The following EXT1 variants were observed in gnomAD, a reference collection of about 807,000 sequenced individuals.
The protein encoded by EXT1 is exostosin-1.
Under a neutral mutation model 82.5 loss-of-function variants are expected in EXT1, and 20 were observed. The observed-to-expected ratio is 0.24, with a 90% CI of 0.17 to 0.35. The LOEUF is 0.35. EXT1 is among the 10% of genes least tolerant of loss of function. The pLI is 1.00. For synonymous variants in EXT1, 348 were observed against 350.8 expected (o/e 0.99, Z 0.09); for missense variants, 757 against 936.5 (o/e 0.81, Z 2.50).
intron 1 of EXT1, among the ~76,000 whole-genome samples, chr8:117,982,303 G>C (rs1815225666): frequency 6.6e-6 from 1 of 152,114 alleles, no homozygotes; most frequent in Non-Finnish European, 1.5e-5. Flanking sequence ...AGCTACCACA[G>C]GACACTTGCG....
chr8:118,103,076 C>T (rs1017580468), intron 1 of EXT1, among the ~76,000 whole-genome samples: 2 of 152,192 alleles, frequency 1.3e-5, no homozygotes, highest in Non-Finnish European at 2.9e-5. Context: ...TCGCTTGAAT[C>T]CGGGAGGAGG....
intron 1 of EXT1, among the ~76,000 whole-genome samples, chr8:117,942,444 G>C (rs1358682014): frequency 1.3e-5 from 2 of 152,186 alleles, no homozygotes; most frequent in Non-Finnish European, 2.9e-5. Flanking sequence ...GGGTGCGGTG[G>C]CTCATGCCTA....
intron 1 of EXT1, among the ~76,000 whole-genome samples, chr8:118,000,024 T>C (rs1048196589): frequency 4.0e-5 from 6 of 151,534 alleles, no homozygotes; most frequent in African/African-American, 1.2e-4. Flanking sequence ...CACACACACA[T>C]ACACACACAC....
chr8:118,067,472 A>T (rs1381950279), intron 1 of EXT1, among the ~76,000 whole-genome samples: 1 of 152,218 alleles, frequency 6.6e-6, no homozygotes, highest in Non-Finnish European at 1.5e-5. Flanking sequence ...TGCTTGAGAG[A>T]GCCACTATTC....
intron 1 of EXT1, among the ~76,000 whole-genome samples, chr8:117,924,367 T>C (rs1389346642): frequency 1.3e-5 from 2 of 152,216 alleles, no homozygotes; most frequent in Non-Finnish European, 2.9e-5. Flanking sequence ...GGGTTTTATT[T>C]TTGGCTGCTA....
At chr8:117,847,876 G>C (rs1191560528) in intron 1 of EXT1, among the ~76,000 whole-genome samples, 1 of 147,536 alleles carries the variant, frequency 6.8e-6, no homozygotes, top group Non-Finnish European at 1.5e-5. Context: ...GCACTTAAGT[G>C]GTTATAAAAT....
intron 1 of EXT1, among the ~76,000 whole-genome samples, chr8:117,964,332 A>G (rs549959935): frequency 6.6e-6 from 1 of 152,342 alleles, no homozygotes; most frequent in South Asian, 2.1e-4. Context: ...CTGCATGTAC[A>G]GCAAATTCTG....
At chr8:118,030,375 A>G (rs1012417099) in intron 1 of EXT1, among the ~76,000 whole-genome samples, 8 of 152,246 alleles carry the variant, frequency 5.3e-5, no homozygotes, top group South Asian at 2.1e-4. Context: ...AAGTGCGTAC[A>G]CCATATAAAT....
At chr8:118,030,385 T>C (rs1816287689) in intron 1 of EXT1, among the ~76,000 whole-genome samples, 2 of 152,152 alleles carry the variant, frequency 1.3e-5, no homozygotes, top group Non-Finnish European at 2.9e-5. Context: ...ACCATATAAA[T>C]AGTAATTAAA....
At chr8:117,984,607 A>G (rs1331645843) in intron 1 of EXT1, among the ~76,000 whole-genome samples, 1 of 152,198 alleles carries the variant, frequency 6.6e-6, no homozygotes, top group Non-Finnish European at 1.5e-5. Context: ...GGAAGGCAGC[A>G]GGAAACCTGG....
chr8:118,103,325 T>A (rs1228889285), intron 1 of EXT1, among the ~76,000 whole-genome samples: 1 of 152,122 alleles, frequency 6.6e-6, no homozygotes. Flanking sequence ...TTTTTTATCT[T>A]TAGTAAAGAT....
chr8:117,965,739 A>G (rs7830231), intron 1 of EXT1, among the ~76,000 whole-genome samples: 55,881 of 152,064 alleles, frequency 0.37, 10,965 homozygotes, highest in Admixed American at 0.46. Flanking sequence ...CTTTTCTCTA[A>G]TACCCAAAAT....
intron 1 of EXT1, among the ~76,000 whole-genome samples, chr8:118,103,085 G>T (rs1429792455): frequency 6.6e-6 from 1 of 152,176 alleles, no homozygotes. Flanking sequence ...TCCGGGAGGA[G>T]GAGGTTGCGG....
intron 1 of EXT1, among the ~76,000 whole-genome samples, chr8:117,889,553 C>T (rs1245501858): frequency 6.6e-6 from 1 of 152,144 alleles, no homozygotes; most frequent in Non-Finnish European, 1.5e-5. Context: ...CCCAATAAAT[C>T]TTTGATGACT....
intron 1 of EXT1, among the ~76,000 whole-genome samples, chr8:118,062,207 A>G (rs774283031): frequency 6.6e-6 from 1 of 152,220 alleles, no homozygotes; most frequent in Non-Finnish European, 1.5e-5. Flanking sequence ...CACAAACTCC[A>G]TGAAACAATC....
intron 1 of EXT1, among the ~76,000 whole-genome samples, chr8:118,103,724 A>C (rs562468770): frequency 3.9e-5 from 6 of 152,264 alleles, no homozygotes; most frequent in Admixed American, 2.6e-4. Context: ...ACAGAATGCT[A>C]ATCAGCTTCC....
intron 1 of EXT1, among the ~76,000 whole-genome samples, chr8:118,023,047 C>T (rs188918099): frequency 3.1e-3 from 473 of 152,222 alleles, no homozygotes; most frequent in Non-Finnish European, 5.4e-3. Flanking sequence ...AAGTCATAAA[C>T]CATACTAAAT....
In EXT1 at chr8:118,101,156, T is replaced by C. The variant is rs147664217; in HGVS notation, c.962+8929A>G. The stretch of plus-strand genomic sequence containing the variant: ...GTACAGTCTCACATACTCCACCTCA[T>C]TTGACCTTCTTAACGACCCTATGAG... On this transcript the variant is annotated intron_variant, in intron 1 of 10. Coordinates refer to ENST00000378204, the MANE Select transcript of EXT1 (RefSeq NM_000127.3). Among the ~76,000 whole-genome samples the C allele has an allele frequency of 3.3e-5, 5 of 152,312 alleles. No homozygotes were observed. The East Asian group carries it at 7.7e-4, about 23-fold the overall frequency.
intron 1 of EXT1, among the ~76,000 whole-genome samples, chr8:118,066,332 C>CTTTCTTTA (rs1554598114): frequency 1.4e-5 from 2 of 143,860 alleles, no homozygotes; most frequent in Non-Finnish European, 3.0e-5. Flanking sequence ...TTTTCTCTAG[C>CTTTCTTTA]TTTATTTATT....
Sources: gnomAD v4.1 joint callset for allele counts (sites outside exome capture counted in the v4.1 genomes callset) on GRCh38, gnomAD v4.1.1 for gene constraint, MANE v1.5 for transcripts, NCBI Gene and HGNC (gene_info 2026-07-23, HGNC 2026-07-21) for gene names.